EYS: variants seen among roughly 807,000 people sequenced by gnomAD.
EYS encodes protein eyes shut homolog.
A neutral mutation model predicts 282.1 loss-of-function variants in EYS; 250 were observed. That is an observed-to-expected ratio of 0.89 (90% confidence interval 0.80 to 0.98). The LOEUF is 0.98. EYS is among the 50% of genes least tolerant of loss of function. The pLI, the probability that EYS is intolerant of heterozygous loss-of-function variation, is 0.00. For synonymous variants in EYS, 1,355 were observed against 1,282.9 expected, an observed-to-expected ratio of 1.06 and a Z score of -1.20; for missense variants, 4,016 against 3,709.0, an observed-to-expected ratio of 1.08 and a Z score of -2.15.
chr6:64,544,576 C>T (rs1206644175), intron 26 of EYS, among the ~76,000 whole-genome samples: 1 of 152,030 alleles, frequency 6.6e-6, no homozygotes, highest in Non-Finnish European at 1.5e-5. Flanking sequence ...ATCAATGAAT[C>T]CAGCAGCTGG....
intron 8 of EYS, among the ~76,000 whole-genome samples, chr6:65,369,731 C>T (rs1765065031): frequency 6.6e-6 from 1 of 151,662 alleles, no homozygotes; most frequent in Admixed American, 6.7e-5. Context: ...TAGCAGCAAA[C>T]TTGGCTTCTA....
chr6:64,911,091 T>C (rs1767978889), intron 16 of EYS, among the ~76,000 whole-genome samples: 1 of 152,070 alleles, frequency 6.6e-6, no homozygotes, highest in Non-Finnish European at 1.5e-5. Context: ...GTAGAATGTT[T>C]AGAATTGTTC....
chr6:63,980,104 G>T (rs986508014), intron 35 of EYS, among the ~76,000 whole-genome samples: 2 of 151,804 alleles, frequency 1.3e-5, no homozygotes, highest in African/African-American at 4.8e-5. Flanking sequence ...TGAACCCTAA[G>T]GTCTAACTCT....
intron 29 of EYS, among the ~76,000 whole-genome samples, chr6:64,314,041 C>T (rs1769833447): frequency 6.6e-6 from 1 of 151,892 alleles, no homozygotes; most frequent in Admixed American, 6.6e-5. Context: ...TGTAAATGGG[C>T]TAAATGCCCC....
At chr6:64,693,795 C>T (rs1419569903) in intron 22 of EYS, among the ~76,000 whole-genome samples, 1 of 151,988 alleles carries the variant, frequency 6.6e-6, no homozygotes. Context: ...AAGATACTCT[C>T]TTCATTAAAA....
chr6:64,117,064 C>T (rs1363013048), intron 31 of EYS, among the ~76,000 whole-genome samples: 1 of 152,044 alleles, frequency 6.6e-6, no homozygotes, highest in African/African-American at 2.4e-5. Context: ...TTTAGACCAA[C>T]TGAACCTAAT....
chr6:63,960,792 T>G (rs1766025683), intron 35 of EYS, among the ~76,000 whole-genome samples: 1 of 152,244 alleles, frequency 6.6e-6, no homozygotes, highest in African/African-American at 2.4e-5. Context: ...CATTTTATTT[T>G]AGACATAATA....
At chr6:65,358,636 G>A (rs890348364) in intron 8 of EYS, among the ~76,000 whole-genome samples, 1 of 130,396 alleles carries the variant, frequency 7.7e-6, no homozygotes, top group Non-Finnish European at 1.7e-5. Context: ...GTGTGTGTGT[G>A]TGTTGGGAGA....
At chr6:64,673,206 T>C (rs1445614072) in intron 22 of EYS, among the ~76,000 whole-genome samples, 1 of 152,136 alleles carries the variant, frequency 6.6e-6, no homozygotes, top group Non-Finnish European at 1.5e-5. Context: ...ATAGACTCTT[T>C]TAGAATCTTC....
At chr6:65,267,897 ATTGGCC>A (rs1190748467) in intron 12 of EYS, among the ~76,000 whole-genome samples, 1 of 151,862 alleles carries the variant, frequency 6.6e-6, no homozygotes, top group Non-Finnish European at 1.5e-5. Context: ...CTCTTCAAAA[ATTGGCC>A]ATATTGAAAT....
chr6:65,289,140 C>T (rs1768451817), intron 12 of EYS, among the ~76,000 whole-genome samples: 1 of 150,598 alleles, frequency 6.6e-6, no homozygotes, highest in African/African-American at 2.4e-5. Context: ...AAAGTAGTAT[C>T]CCATAAATAG....
At chr6:64,081,386 T>G (rs1273577599) in intron 32 of EYS, among the ~76,000 whole-genome samples, 1 of 151,620 alleles carries the variant, frequency 6.6e-6, no homozygotes, top group Non-Finnish European at 1.5e-5. Context: ...CTTAAGCAAA[T>G]ACTGTTAATA....
chr6:64,391,959 A>C (rs1219942841), intron 28 of EYS, among the ~76,000 whole-genome samples: 1 of 151,886 alleles, frequency 6.6e-6, no homozygotes, highest in South Asian at 2.1e-4. Context: ...AAACAAAAAA[A>C]GGCAGGGGTT....
chr6:65,623,691 A>G (rs1206114797), intron 2 of EYS, among the ~76,000 whole-genome samples: 1 of 152,234 alleles, frequency 6.6e-6, no homozygotes, highest in Non-Finnish European at 1.5e-5. Flanking sequence ...CATATGAATC[A>G]TTGTTAAATA....
At chr6:64,459,184 CT>C (rs1179740751) in intron 26 of EYS, among the ~76,000 whole-genome samples, 2 of 152,146 alleles carry the variant, frequency 1.3e-5, no homozygotes, top group Non-Finnish European at 2.9e-5. Context: ...CATGTTTAAT[CT>C]TTGAGATGAT....
At chr6:65,421,337 C>G (rs553683856) in intron 5 of EYS, among the ~76,000 whole-genome samples, 1 of 151,870 alleles carries the variant, frequency 6.6e-6, no homozygotes, top group South Asian at 2.1e-4. Context: ...CTGCTAGATT[C>G]AAACTTTTCT....
At chr6:63,793,819 A>G (rs1368579984) in intron 37 of EYS, among the ~76,000 whole-genome samples, 1 of 152,162 alleles carries the variant, frequency 6.6e-6, no homozygotes, top group Non-Finnish European at 1.5e-5. Context: ...ACAAATCAGG[A>G]AAGAACAAAA....
intron 26 of EYS, among the ~76,000 whole-genome samples, chr6:64,555,351 T>TG (rs905582927): frequency 9.2e-5 from 14 of 151,666 alleles, no homozygotes; most frequent in East Asian, 5.8e-4. Context: ...AGGGAATTAA[T>TG]GGGGGGGTAG....
chr6:64,997,949 T>G (rs1249972084), intron 13 of EYS, among the ~76,000 whole-genome samples: 1 of 152,158 alleles, frequency 6.6e-6, no homozygotes, highest in Non-Finnish European at 1.5e-5. Flanking sequence ...TATGGACATT[T>G]GGTAATAGTT....
Sources: gnomAD v4.1 joint callset for allele counts (sites outside exome capture counted in the v4.1 genomes callset) on GRCh38, gnomAD v4.1.1 for gene constraint, MANE v1.5 for transcripts, NCBI Gene and HGNC (gene_info 2026-07-23, HGNC 2026-07-21) for gene names.